The following GALNTL6 variants were observed in gnomAD, a reference collection of about 807,000 sequenced individuals.
GALNTL6 encodes polypeptide N-acetylgalactosaminyltransferase-like 6.
Under a neutral mutation model 73.7 loss-of-function variants are expected in GALNTL6, and 46 were observed. The observed-to-expected ratio is 0.62, with a 90% CI of 0.49 to 0.80. GALNTL6 has a LOEUF of 0.80. GALNTL6 is among the 30% of genes least tolerant of loss of function. The pLI, the probability that GALNTL6 is intolerant of heterozygous loss-of-function variation, is 0.00. For synonymous variants in GALNTL6, 259 were observed against 263.7 expected (o/e 0.98, Z 0.17); for missense variants, 604 against 755.0 (o/e 0.80, Z 2.34).
chr4:172,266,397 G>A (rs748277442), intron 3 of GALNTL6: 14 of 152,064 alleles, frequency 9.2e-5, no homozygotes, highest in Admixed American at 3.3e-4. Flanking sequence ...AATTCCCTCA[G>A]GTTTACCTCT....
intron 5 of GALNTL6, among the ~76,000 whole-genome samples, chr4:172,502,495 G>A (rs1734295870): frequency 6.6e-6 from 1 of 152,010 alleles, no homozygotes; most frequent in African/African-American, 2.4e-5. Flanking sequence ...TCATCTATTT[G>A]ATCCTTCATT....
chr4:172,129,526 T>C (rs1560934629), intron 2 of GALNTL6, among the ~76,000 whole-genome samples: 1 of 152,164 alleles, frequency 6.6e-6, no homozygotes, highest in Non-Finnish European at 1.5e-5. Context: ...CGTTTATTCC[T>C]TTCAGAACAT....
rs1302656661 is a variant in GALNTL6, at chr4:172,766,379, CA to C, written c.554-42977del. Among the ~76,000 whole-genome samples the C allele has an allele frequency of 2.6e-5, 4 of 152,138 alleles. No individual in the cohort carries two copies. The South Asian group carries it at 6.2e-4, about 24-fold the overall frequency. On this transcript the variant is annotated intron_variant, in intron 5 of 12. Transcript: ENST00000506823. ...TTTTATGCATTCCGAGTCTATGTTG[CA>C]AAAAGTCTTTTTCCCTTTTGTGGCT...
At chr4:172,779,089 T>C (rs1463504547) in intron 5 of GALNTL6, among the ~76,000 whole-genome samples, 2 of 152,122 alleles carry the variant, frequency 1.3e-5, no homozygotes, top group African/African-American at 4.8e-5. Context: ...GCTAATGTTT[T>C]TGTTTTGTTC....
At chr4:172,539,349 A>G (rs1435681068) in intron 5 of GALNTL6, among the ~76,000 whole-genome samples, 2 of 152,156 alleles carry the variant, frequency 1.3e-5, no homozygotes, top group Non-Finnish European at 2.9e-5. Context: ...TACATAAACT[A>G]TTGTTACCAG....
At chr4:171,919,376 C>T (rs1294257794) in intron 2 of GALNTL6, among the ~76,000 whole-genome samples, 2 of 152,056 alleles carry the variant, frequency 1.3e-5, no homozygotes, top group Admixed American at 1.3e-4. Context: ...TTTTCTGACA[C>T]ATGCTCATCC....
chr4:172,101,994 T>G (rs1732532487), intron 2 of GALNTL6, among the ~76,000 whole-genome samples: 1 of 152,098 alleles, frequency 6.6e-6, no homozygotes, highest in Non-Finnish European at 1.5e-5. Context: ...AAGAAAGCAT[T>G]ATAAACTATA....
chr4:172,502,234 TC>T (rs1470619754), intron 5 of GALNTL6, among the ~76,000 whole-genome samples: 1 of 152,192 alleles, frequency 6.6e-6, no homozygotes, highest in Non-Finnish European at 1.5e-5. Flanking sequence ...TCTTCACAAC[TC>T]CAGCTAGACT....
intron 5 of GALNTL6, among the ~76,000 whole-genome samples, chr4:172,539,580 A>G (rs1404667087): frequency 1.0e-4 from 15 of 148,674 alleles, no homozygotes; most frequent in Admixed American, 9.3e-4. Context: ...AGAACTGGAC[A>G]GGGAGTGAAA....
intron 2 of GALNTL6, among the ~76,000 whole-genome samples, chr4:171,876,009 T>C (rs1736265768): frequency 6.6e-6 from 1 of 152,156 alleles, no homozygotes. Context: ...TTAGTTATTT[T>C]AATAGGAAAA....
At chr4:172,660,052 C>A (rs1731286560) in intron 5 of GALNTL6, among the ~76,000 whole-genome samples, 1 of 152,226 alleles carries the variant, frequency 6.6e-6, no homozygotes, top group South Asian at 2.1e-4. Flanking sequence ...CAGCCTCAAC[C>A]TTTCCTTCCT....
At chr4:171,821,547 A>G (rs1292996374) in intron 2 of GALNTL6, among the ~76,000 whole-genome samples, 1 of 151,978 alleles carries the variant, frequency 6.6e-6, no homozygotes, top group Non-Finnish European at 1.5e-5. Flanking sequence ...AGTTTTCTTA[A>G]TTAGTAAAAT....
At chr4:172,649,151 C>T (rs1740369814) in intron 5 of GALNTL6, among the ~76,000 whole-genome samples, 2 of 152,094 alleles carry the variant, frequency 1.3e-5, no homozygotes, top group Non-Finnish European at 1.5e-5. Flanking sequence ...TATTCAAATC[C>T]ATATGACTTT....
Position 172,650,856 on chromosome 4 carries a change from G to A in GALNTL6, c.554-158505G>A, listed in dbSNP as rs573883318. 3.5e-4 allele frequency among the ~76,000 whole-genome samples: 54 copies of A among 152,244 alleles called. No homozygotes were observed. In the Middle Eastern group the frequency reaches 0.01, roughly 29 times the overall value. The stretch of plus-strand genomic sequence containing the variant: ...AAGTTTTGATAATGTCTAAAAAATT[G>A]CATATATGAGGCTGAAAAGTTTTCC... On this transcript the variant is annotated intron_variant, in intron 5 of 12. Transcript: ENST00000506823.
At chr4:171,910,164 C>T (rs954090403) in intron 2 of GALNTL6, among the ~76,000 whole-genome samples, 5 of 152,018 alleles carry the variant, frequency 3.3e-5, no homozygotes, top group African/African-American at 1.2e-4. Flanking sequence ...AAAAACAAAA[C>T]AGAGCAAAAC....
At chr4:171,993,422 G>T (rs555126570) in intron 2 of GALNTL6, among the ~76,000 whole-genome samples, 1 of 151,412 alleles carries the variant, frequency 6.6e-6, no homozygotes, top group East Asian at 1.9e-4. Flanking sequence ...CCAGGCAATG[G>T]GATGAGTTAA....
intron 12 of GALNTL6, among the ~76,000 whole-genome samples, chr4:173,035,778 AT>A (rs1177276629): frequency 6.6e-6 from 1 of 152,202 alleles, no homozygotes; most frequent in Non-Finnish European, 1.5e-5. Context: ...ATCAATTTAG[AT>A]AACCAGTTGA....
intron 5 of GALNTL6, among the ~76,000 whole-genome samples, chr4:172,770,287 A>ATAAATAAATAAATAAC (rs1738688986): frequency 6.6e-6 from 1 of 150,978 alleles, no homozygotes; most frequent in African/African-American, 2.4e-5. Flanking sequence ...AAATAAATAA[A>ATAAATAAATAAATAAC]TAAATAAATA....
At chr4:172,394,112 T>G (rs1182371533) in intron 5 of GALNTL6, among the ~76,000 whole-genome samples, 4 of 152,108 alleles carry the variant, frequency 2.6e-5, no homozygotes, top group Non-Finnish European at 5.9e-5. Context: ...AACTTCTAAA[T>G]TTTGTTGAGT....
Sources: gnomAD v4.1 joint callset for allele counts (sites outside exome capture counted in the v4.1 genomes callset) on GRCh38, gnomAD v4.1.1 for gene constraint, MANE v1.5 for transcripts, NCBI Gene and HGNC (gene_info 2026-07-23, HGNC 2026-07-21) for gene names.